The following BSN variants were observed in gnomAD, a reference collection of about 807,000 sequenced individuals.
The protein encoded by BSN is bassoon presynaptic cytomatrix protein.
BSN carries 57 observed loss-of-function variants against 264.8 expected under a neutral mutation model. The ratio of observed to expected loss-of-function variants is 0.22; its 90% CI spans 0.17 to 0.27. The LOEUF (loss-of-function observed/expected upper bound fraction) is 0.27. Ranked by LOEUF, BSN falls within the 10% of genes least tolerant of loss-of-function variation. The pLI, the probability that BSN is intolerant of heterozygous loss-of-function variation, is 1.00. For synonymous variants in BSN, 2,059 were observed against 2,137.3 expected, an observed-to-expected ratio of 0.96 and a Z score of 1.01; for missense variants, 4,615 against 5,232.5, an observed-to-expected ratio of 0.88 and a Z score of 3.64.
Position 49,661,677 on chromosome 3 carries a change from C to T in BSN, c.9832C>T (p.Pro3278Ser), listed in dbSNP as rs767985545. ...TGGAGAACCAGGTGTCCTTGACGGG[C>T]CCACACTGCCCTGCTGCTATGCCAG... ...EPGEPGVLDGPTLPCCYARGE... is the reference protein window; with the variant it reads ...EPGEPGVLDGSTLPCCYARGE... The change falls in exon 6 of 12, where the codon CCC (proline) becomes TCC (serine). Residue 3278 changes from proline (P) to serine (S), a missense_variant. Pro to Ser is a moderately conservative substitution (Grantham distance 74). Around this residue, in one of 3 missense-constraint regions of BSN, gnomAD observed 3,415 missense variants for 3,866.4 expected, o/e 0.88. Transcript: ENST00000296452. 1 of 1,613,602 alleles carries T rather than the reference C, an allele frequency of 6.2e-7. No homozygotes were observed. The highest frequency in any genetic ancestry group is 8.5e-7 in the Non-Finnish European group (1 of 1,180,050).
At chr3:49,648,240 G>A (rs1031973138) in intron 3 of BSN, among the ~76,000 whole-genome samples, 2 of 152,218 alleles carry the variant, frequency 1.3e-5, no homozygotes, top group East Asian at 1.9e-4. Context: ...TGTGGGGTTC[G>A]CAGGCCAGAG....
intron 1 of BSN, among the ~76,000 whole-genome samples, chr3:49,621,976 T>C (rs2052310583): frequency 6.6e-6 from 1 of 152,314 alleles, no homozygotes; most frequent in Middle Eastern, 3.4e-3. Flanking sequence ...AGCAAAGTAC[T>C]GCTGCTTCTA....
chr3:49,642,677 G>T lies in BSN; in HGVS notation c.1043G>T (p.Gly348Val). 1.9e-6 allele frequency: 3 copies of T among 1,611,532 alleles called. No homozygotes were observed. The highest frequency in any genetic ancestry group is 2.5e-6 in the Non-Finnish European group (3 of 1,178,696). ...ATEQTQEGLT[G>V]KLFGLGASLL... ...GAGCAGACCCAGGAGGGCCTCACTG[G>T]TAAGCTCTTCGGCCTTGGCGCGTCA... Residue 348 changes from glycine (G) to valine (V), a missense_variant, in exon 3 of 12, where the codon GGT becomes GTT. Physicochemically the swap from Gly to Val is moderately radical, Grantham distance 109. This residue lies in a region of BSN where 1,197 missense variants were observed against 1,348.0 expected (regional missense o/e 0.89). Transcript: ENST00000296452. This position sits in a 1 kb window ranked among gnomAD's most constrained non-coding sequence, Gnocchi z 7.0.
chr3:49,599,651 G>A (rs536459576), intron 1 of BSN, among the ~76,000 whole-genome samples: 3 of 152,238 alleles, frequency 2.0e-5, no homozygotes, highest in Admixed American at 1.3e-4. Flanking sequence ...TATGCCCTTA[G>A]GACAATTTCC....
intron 2 of BSN, among the ~76,000 whole-genome samples, chr3:49,641,935 G>A (rs572897099): frequency 2.6e-5 from 4 of 152,202 alleles, no homozygotes; most frequent in African/African-American, 7.2e-5. Flanking sequence ...TCATCCGAGC[G>A]GGAGGTTGGG....
intron 1 of BSN, among the ~76,000 whole-genome samples, chr3:49,612,870 C>T (rs1222321796): frequency 6.6e-6 from 1 of 152,190 alleles, no homozygotes; most frequent in East Asian, 1.9e-4. Flanking sequence ...TGGTGGCTCA[C>T]ACCTGTAATC....
chr3:49,602,294 C>T (rs1016698730), intron 1 of BSN, among the ~76,000 whole-genome samples: 2 of 152,158 alleles, frequency 1.3e-5, no homozygotes, highest in Non-Finnish European at 2.9e-5. Context: ...CTGAATTCGC[C>T]CCAGGGCAAC....
intron 1 of BSN, among the ~76,000 whole-genome samples, chr3:49,624,619 T>C (rs970651789): frequency 5.3e-5 from 8 of 152,084 alleles, no homozygotes; most frequent in Non-Finnish European, 1.0e-4. Context: ...ATTTCTAACA[T>C]GTAGGTTTAG....
chr3:49,573,937 A>AT (rs1163750968), intron 1 of BSN, among the ~76,000 whole-genome samples: 3 of 151,446 alleles, frequency 2.0e-5, no homozygotes, highest in Non-Finnish European at 4.4e-5. Context: ...GATTACAGGC[A>AT]TGAGCCACTG....
rs1224018249 is a variant in BSN, at chr3:49,655,498, ACTC to A, written c.5947_5949del (p.Ser1983del). On this transcript the variant is annotated inframe_deletion, in exon 5 of 12. Transcript: ENST00000296452. ...CCACAAGGCCTGCCTGGTAGGCTGT[ACTC>A]CTCCATGTCTGACACCAATTTGGCT... The A allele has an allele frequency of 2.5e-6, 4 of 1,603,442 alleles. No homozygotes were observed. Among genetic ancestry groups the A allele is most frequent in the Non-Finnish European group, 2.6e-6 (3 of 1,173,968 alleles).
At chr3:49,571,941 C>T (rs1194727823) in intron 1 of BSN, among the ~76,000 whole-genome samples, 1 of 152,174 alleles carries the variant, frequency 6.6e-6, no homozygotes, top group Non-Finnish European at 1.5e-5. Context: ...CTTTGCTCCC[C>T]AGAGCACATA....
rs1295581978 is a variant in BSN at position 49,668,025 on chromosome 3, C to A, written c.*540C>A. 1.3e-5 allele frequency: 2 copies of A among 152,696 alleles called. No homozygotes were observed. The highest frequency in any genetic ancestry group is 2.4e-5 in the African/African-American group (1 of 41,458). The allele number at this position is 152,696 out of a possible 1,614,324, so 9.5% of individuals were successfully genotyped here. ...TCCGTTTCCTTCACATTCCAGCTGG[C>A]CCGGATCCCTCTGTGGCACAGGGCC... On this transcript the variant is annotated 3_prime_UTR_variant, in exon 12 of 12. Transcript: ENST00000296452.
chr3:49,601,723 C>A (rs2052074581), intron 1 of BSN, among the ~76,000 whole-genome samples: 1 of 152,162 alleles, frequency 6.6e-6, no homozygotes, highest in Non-Finnish European at 1.5e-5. Flanking sequence ...CAGAATGACA[C>A]CAGAACAGTT....
chr3:49,664,387 G>T (rs762941954), intron 8 of BSN, 36 bp from the exon 9 acceptor site: 18 of 1,613,518 alleles, frequency 1.1e-5, no homozygotes, highest in East Asian at 2.2e-5. Context: ...GAGCCAGGCC[G>T]TGCATAGCTC....
At chr3:49,604,621 G>C (rs924708624) in intron 1 of BSN, among the ~76,000 whole-genome samples, 2 of 152,076 alleles carry the variant, frequency 1.3e-5, no homozygotes, top group African/African-American at 2.4e-5. Context: ...TCTATCAGTG[G>C]ACATGGTTGC....
intron 1 of BSN, among the ~76,000 whole-genome samples, chr3:49,614,715 T>C (rs1352889): frequency 0.81 from 123,016 of 152,040 alleles, 50,238 homozygotes; most frequent in East Asian, 0.99. Flanking sequence ...CCAAGCCCAC[T>C]TCCCAGGCGG....
Position 49,606,187 on chromosome 3 carries a change from ATT to A in BSN, c.225-18787_225-18786del, listed in dbSNP as rs1232855434. ...ATACATATATTATATATGTATATAT[ATT>A]ATATATACATATATTATATATGTAT... On this transcript the variant is annotated intron_variant, in intron 1 of 11. Transcript: ENST00000296452. Among the ~76,000 whole-genome samples the A allele has an allele frequency of 1.3e-3, 39 of 29,786 alleles. 5 individuals are homozygous for A. The highest frequency in any genetic ancestry group is 1.7e-3 in the Admixed American group (3 of 1,798). The allele number at this position is 29,786 out of a possible 152,430, so 19.5% of individuals were successfully genotyped here.
At chr3:49,603,807 C>T (rs907077703) in intron 1 of BSN, among the ~76,000 whole-genome samples, 6 of 152,004 alleles carry the variant, frequency 3.9e-5, no homozygotes, top group African/African-American at 1.5e-4. Flanking sequence ...TTTTTGCCAC[C>T]CCAAAAGAAA....
At chr3:49,559,481 C>G (rs1027119730) in intron 1 of BSN, among the ~76,000 whole-genome samples, 2 of 152,058 alleles carry the variant, frequency 1.3e-5, no homozygotes, top group Admixed American at 6.5e-5. Context: ...TGAACATAAC[C>G]ACAGCACCAC....
Sources: allele counts gnomAD v4.1 joint callset (sites outside exome capture counted in the v4.1 genomes callset), GRCh38; gene constraint gnomAD v4.1.1; regional missense constraint gnomAD v4.1.1; non-coding constraint Gnocchi (gnomAD v3.1); transcripts MANE v1.5; gene names NCBI Gene and HGNC (gene_info 2026-07-23, HGNC 2026-07-21).